The following PTK2 variants were observed in gnomAD, a reference collection of about 807,000 sequenced individuals.
PTK2 encodes the protein focal adhesion kinase 1.
A neutral mutation model predicts 150.1 loss-of-function variants in PTK2; 45 were observed. The observed-to-expected ratio is 0.30, with a 90% confidence interval of 0.24 to 0.38. PTK2 has a LOEUF of 0.38. PTK2 is among the 10% of genes least tolerant of loss of function. PTK2 has a pLI of 1.00. For synonymous variants in PTK2, 432 were observed against 449.2 expected (o/e 0.96, Z 0.48); for missense variants, 919 against 1,307.3 (o/e 0.70, Z 4.58).
At chr8:140,953,172 T>C (rs1420898714) in intron 1 of PTK2, among the ~76,000 whole-genome samples, 1 of 152,204 alleles carries the variant, frequency 6.6e-6, no homozygotes, top group East Asian at 1.9e-4. Context: ...CCCACTTATC[T>C]GCAGGGGATA....
At chr8:140,686,738 T>G in intron 26 of PTK2, 44 bp from the exon 30 acceptor site, 5 of 1,514,988 alleles carry the variant, frequency 3.3e-6, no homozygotes, top group Non-Finnish European at 4.6e-6. Flanking sequence ...ATTTTTGATT[T>G]GAAAATTTTT....
At chr8:140,831,320 G>T (rs1437957236) in intron 7 of PTK2, among the ~76,000 whole-genome samples, 1 of 152,118 alleles carries the variant, frequency 6.6e-6, no homozygotes, top group South Asian at 2.1e-4. Flanking sequence ...TGCCTCTGAC[G>T]ACATTAAGGA....
At chr8:140,872,097 C>T (rs886282898) in intron 4 of PTK2, among the ~76,000 whole-genome samples, 14 of 152,102 alleles carry the variant, frequency 9.2e-5, no homozygotes, top group African/African-American at 3.1e-4. Context: ...GTCCCAGCTA[C>T]TCAGTGACAC....
At chr8:140,792,520 T>C (rs771079714) in intron 13 of PTK2, among the ~76,000 whole-genome samples, 5 of 152,218 alleles carry the variant, frequency 3.3e-5, no homozygotes, top group Non-Finnish European at 7.3e-5. Flanking sequence ...TAATACATCA[T>C]AGCTGAGTCC....
chr8:140,936,520 C>T (rs1340055931), intron 1 of PTK2, among the ~76,000 whole-genome samples: 1 of 152,028 alleles, frequency 6.6e-6, no homozygotes, highest in Non-Finnish European at 1.5e-5. Context: ...ACTCACTGCA[C>T]CCGACCAATG....
intron 5 of PTK2, among the ~76,000 whole-genome samples, chr8:140,855,320 G>A (rs968814982): frequency 4.6e-5 from 7 of 152,090 alleles, no homozygotes; most frequent in Non-Finnish European, 8.8e-5. Context: ...GGGTCGCCAC[G>A]TGTGGTGGCT....
intron 25 of PTK2, 96 bp downstream of exon 28, chr8:140,702,474 C>G: frequency 6.9e-7 from 1 of 1,439,658 alleles, no homozygotes; most frequent in East Asian, 2.3e-5. Context: ...CTACTTCAGC[C>G]TCCCAAAAGT....
At chr8:140,755,082 T>C (rs2100064862) in intron 16 of PTK2, among the ~76,000 whole-genome samples, 1 of 152,194 alleles carries the variant, frequency 6.6e-6, no homozygotes, top group South Asian at 2.1e-4. Context: ...TAACAGCTAG[T>C]AGACGTTTAA....
chr8:140,765,790 G>A (rs182954300), intron 14 of PTK2, among the ~76,000 whole-genome samples: 51 of 152,232 alleles, frequency 3.4e-4, no homozygotes, highest in Middle Eastern at 3.4e-3. Flanking sequence ...AAGAAAATTT[G>A]GGGACGGAAG....
chr8:140,726,492 A>G (rs2100045885), intron 22 of PTK2, among the ~76,000 whole-genome samples: 1 of 152,216 alleles, frequency 6.6e-6, no homozygotes, highest in Non-Finnish European at 1.5e-5. Context: ...TCAAAGAAAG[A>G]AAATCATGGA....
chr8:140,966,018 G>A (rs1221238729), intron 1 of PTK2, among the ~76,000 whole-genome samples: 1 of 151,674 alleles, frequency 6.6e-6, no homozygotes, highest in Non-Finnish European at 1.5e-5. Context: ...GCAGTTGGAA[G>A]CATTTCTTCT....
At position 140,809,175 on chromosome 8, in the gene PTK2, A is replaced by G. The variant is rs187838441; in HGVS notation, c.868-5525T>C. Among the ~76,000 whole-genome samples, 73 of 152,328 alleles carry G rather than the reference A, an allele frequency of 4.8e-4. 1 individual carries two copies. Among genetic ancestry groups the G allele is most frequent in the Admixed American group, 4.1e-3 (62 of 15,284 alleles). Reference sequence around the variant, plus strand: ...AGAATACATTTTAAAGATGCACTTAAAAGGGAAGAGCACAATAAAAAAGAC... The same window carrying G: ...AGAATACATTTTAAAGATGCACTTAGAAGGGAAGAGCACAATAAAAAAGAC... On this transcript the variant is annotated intron_variant, in intron 10 of 31. Transcript: ENST00000522684.
At chr8:140,870,472 A>G (rs1037922105) in intron 4 of PTK2, among the ~76,000 whole-genome samples, 2 of 152,236 alleles carry the variant, frequency 1.3e-5, no homozygotes, top group Admixed American at 6.5e-5. Context: ...CAGAAATAAT[A>G]AAATATAACC....
intron 10 of PTK2, among the ~76,000 whole-genome samples, chr8:140,804,196 ATT>A (rs1203008893): frequency 1.3e-5 from 2 of 150,090 alleles, no homozygotes; most frequent in African/African-American, 4.9e-5. Context: ...GTCTATGGTC[ATT>A]TTCCTAAGTA....
At chr8:140,866,347 C>T (rs2100139261) in intron 4 of PTK2, among the ~76,000 whole-genome samples, 1 of 152,228 alleles carries the variant, frequency 6.6e-6, no homozygotes, top group South Asian at 2.1e-4. Context: ...CACATCCATT[C>T]TCTTAACATC....
chr8:140,758,544 C>T (rs1204496925), intron 16 of PTK2, among the ~76,000 whole-genome samples: 1 of 152,098 alleles, frequency 6.6e-6, no homozygotes, highest in Non-Finnish European at 1.5e-5. Flanking sequence ...TCCAGTGGGA[C>T]AAGGTGTGGA....
intron 1 of PTK2, among the ~76,000 whole-genome samples, chr8:140,954,575 T>C (rs760841924): frequency 6.6e-6 from 1 of 152,170 alleles, no homozygotes; most frequent in Non-Finnish European, 1.5e-5. Flanking sequence ...ATAAAGTATC[T>C]ACACATAATA....
intron 22 of PTK2, among the ~76,000 whole-genome samples, chr8:140,726,745 A>G (rs2100046082): frequency 6.6e-6 from 1 of 152,254 alleles, no homozygotes; most frequent in African/African-American, 2.4e-5. Context: ...ATGCTAAAAA[A>G]AATTATTCAT....
In PTK2 at chr8:140,850,661, C is replaced by T. The variant is rs534532948; in HGVS notation, c.451-3983G>A. Among the ~76,000 whole-genome samples the T allele has an allele frequency of 4.6e-5, 7 of 151,888 alleles. No homozygotes were observed. In the East Asian group the frequency reaches 1.2e-3, roughly 25 times the overall value. On this transcript the variant is annotated intron_variant, in intron 5 of 31. Transcript: ENST00000522684. The stretch of plus-strand genomic sequence containing the variant: ...AAGAGAATGGCGTGAACGCGGGAGG[C>T]GGAGCTTGCAGTGAGCCGTGATCGT...
Sources: gnomAD v4.1 joint callset for allele counts (sites outside exome capture counted in the v4.1 genomes callset) on GRCh38, gnomAD v4.1.1 for gene constraint, MANE v1.5 for transcripts, NCBI Gene and HGNC (gene_info 2026-07-23, HGNC 2026-07-21) for gene names.